GRIK2: variants seen among roughly 807,000 people sequenced by gnomAD.
GRIK2 encodes the protein glutamate ionotropic receptor kainate type subunit 2.
GRIK2 carries 32 observed loss-of-function variants against 100.3 expected under a neutral mutation model. The observed-to-expected ratio is 0.32, with a 90% confidence interval of 0.24 to 0.43. The LOEUF (loss-of-function observed/expected upper bound fraction) is 0.43, where lower values mean the gene tolerates loss of function less well. GRIK2 is among the 20% of genes least tolerant of loss of function. The probability of loss-of-function intolerance (pLI) is 1.00; values close to 1 mark genes in which losing one functional copy is unlikely to be tolerated. For synonymous variants in GRIK2, 417 were observed against 389.4 expected (o/e 1.07, Z -0.83); for missense variants, 843 against 1,114.9 (o/e 0.76, Z 3.47).
intron 9 of GRIK2, among the ~76,000 whole-genome samples, chr6:101,804,623 C>T (rs897006940): frequency 6.6e-6 from 1 of 151,838 alleles, no homozygotes; most frequent in African/African-American, 2.4e-5. Context: ...GGGATAAAAG[C>T]ATAACTCAAA....
intron 14 of GRIK2, among the ~76,000 whole-genome samples, chr6:101,973,046 A>G (rs1264293361): frequency 2.0e-5 from 3 of 151,732 alleles, no homozygotes; most frequent in African/African-American, 4.8e-5. Flanking sequence ...AATCTAATAC[A>G]CTTTTCTATG....
chr6:101,790,828 A>C lies in GRIK2; in HGVS notation c.952-8820A>C, dbSNP rs1391071904. 1.3e-4 allele frequency among the ~76,000 whole-genome samples: 20 copies of C among 151,330 alleles called. No homozygotes were observed. The East Asian group carries it at 1.4e-3, about 10-fold the overall frequency. On this transcript the variant is annotated intron_variant, in intron 7 of 16. Transcript: ENST00000369134. ...TCTGGTAGAATTCGGCTGTGAATCCATCTGGTCCTGGACTCTTTTTGGTTG... is the reference window on the plus strand; with the variant it reads ...TCTGGTAGAATTCGGCTGTGAATCCCTCTGGTCCTGGACTCTTTTTGGTTG...
intron 12 of GRIK2, among the ~76,000 whole-genome samples, chr6:101,906,220 G>T (rs1670724135): frequency 6.6e-6 from 1 of 151,652 alleles, no homozygotes; most frequent in Non-Finnish European, 1.5e-5. Context: ...TTGAAAGCTT[G>T]ACTGTAGTGA....
intron 2 of GRIK2, among the ~76,000 whole-genome samples, chr6:101,563,346 CAT>C (rs1777113442): frequency 1.3e-5 from 2 of 152,084 alleles, no homozygotes; most frequent in African/African-American, 2.4e-5. Flanking sequence ...TCACTGAAAA[CAT>C]AGTTTTAATC....
chr6:101,658,774 C>G (rs1362038092), intron 4 of GRIK2, among the ~76,000 whole-genome samples: 1 of 152,164 alleles, frequency 6.6e-6, no homozygotes, highest in African/African-American at 2.4e-5. Flanking sequence ...CTCTAATGAA[C>G]AGTGATGATG....
chr6:101,501,749 TTTTTG>T (rs944684565), intron 2 of GRIK2, among the ~76,000 whole-genome samples: 1 of 152,020 alleles, frequency 6.6e-6, no homozygotes, highest in African/African-American at 2.4e-5. Context: ...CCTTAGCATG[TTTTTG>T]TTTTGTTTTG....
chr6:102,041,117 C>T (rs778392306), intron 15 of GRIK2, among the ~76,000 whole-genome samples: 2 of 151,496 alleles, frequency 1.3e-5, no homozygotes, highest in Non-Finnish European at 3.0e-5. Flanking sequence ...TATGCCTGCT[C>T]CACAGACATC....
intron 11 of GRIK2, among the ~76,000 whole-genome samples, chr6:101,883,440 T>G (rs974386512): frequency 6.6e-6 from 1 of 151,982 alleles, no homozygotes; most frequent in African/African-American, 2.4e-5. Flanking sequence ...ACACTGGAGT[T>G]ACAGAATTGG....
intron 7 of GRIK2, among the ~76,000 whole-genome samples, chr6:101,704,494 C>T (rs1178132304): frequency 6.6e-6 from 1 of 151,654 alleles, no homozygotes; most frequent in Non-Finnish European, 1.5e-5. Flanking sequence ...TCTAAAATTG[C>T]TGAACTAATT....
chr6:101,548,305 G>A (rs1404030679), intron 2 of GRIK2, among the ~76,000 whole-genome samples: 2 of 152,106 alleles, frequency 1.3e-5, no homozygotes, highest in Admixed American at 6.5e-5. Context: ...CTTTTGCTCT[G>A]CAGAAGCTCC....
In GRIK2 at chr6:102,055,939, A is replaced by G. The variant is rs1771442525; in HGVS notation, c.2562+359A>G. Among the ~76,000 whole-genome samples the G allele has an allele frequency of 2.6e-5, 4 of 151,992 alleles. No homozygotes were observed. The South Asian group carries it at 8.3e-4, about 32-fold the overall frequency. ...AAGTGAGTAAAAATTAGAAACTAAT[A>G]TGAAAGAAAAAATACTCTGCAGATT... On this transcript the variant is annotated intron_variant, in intron 16 of 16. Coordinates refer to ENST00000369134, the MANE Select transcript of GRIK2 (RefSeq NM_021956.5).
chr6:101,776,768 G>A (rs997042286), intron 7 of GRIK2, among the ~76,000 whole-genome samples: 5 of 152,056 alleles, frequency 3.3e-5, no homozygotes, highest in Admixed American at 6.6e-5. Flanking sequence ...GAATTGTAGC[G>A]TCATGTACAT....
chr6:102,028,464 T>TC (rs1204133392), intron 14 of GRIK2, among the ~76,000 whole-genome samples: 1 of 151,216 alleles, frequency 6.6e-6, no homozygotes, highest in Admixed American at 6.6e-5. Flanking sequence ...ATCCATCTAA[T>TC]ATAACATAGA....
In GRIK2 at chr6:101,642,829, G is replaced by C. The variant is rs1386229294; in HGVS notation, c.541+16192G>C. On this transcript the variant is annotated intron_variant, in intron 4 of 16. Coordinates refer to ENST00000369134, the MANE Select transcript of GRIK2 (RefSeq NM_021956.5). ...AACCATCATACTGTTTTCCATAATG[G>C]ATATAACATCATTCCTACCAACAGT... Among the ~76,000 whole-genome samples the C allele has an allele frequency of 2.0e-5, 3 of 151,528 alleles. No individual in the cohort carries two copies. The East Asian group carries it at 5.8e-4, about 29-fold the overall frequency.
chr6:101,629,427 G>A (rs376852661), intron 4 of GRIK2, among the ~76,000 whole-genome samples: 4 of 152,116 alleles, frequency 2.6e-5, no homozygotes, highest in South Asian at 2.1e-4. Context: ...TAAATGCCAC[G>A]AAAGGAATTA....
intron 7 of GRIK2, among the ~76,000 whole-genome samples, chr6:101,776,561 A>G (rs1033674115): frequency 6.6e-6 from 1 of 152,204 alleles, no homozygotes; most frequent in Admixed American, 6.5e-5. Flanking sequence ...AAGAAACTGA[A>G]GACTAGAAAA....
intron 2 of GRIK2, among the ~76,000 whole-genome samples, chr6:101,528,157 C>T (rs528239985): frequency 6.6e-6 from 1 of 152,114 alleles, no homozygotes; most frequent in Non-Finnish European, 1.5e-5. Context: ...ATACAGAGTG[C>T]TTAGACTGGT....
chr6:101,561,176 T>C (rs547716670), intron 2 of GRIK2, among the ~76,000 whole-genome samples: 3 of 152,304 alleles, frequency 2.0e-5, no homozygotes, highest in African/African-American at 7.2e-5. Flanking sequence ...ATGTTTGAGA[T>C]AACTTGTCCA....
intron 4 of GRIK2, among the ~76,000 whole-genome samples, chr6:101,657,632 A>G (rs1245262912): frequency 1.3e-5 from 2 of 152,174 alleles, no homozygotes; most frequent in East Asian, 1.9e-4. Flanking sequence ...TTATAAATTA[A>G]TGGATTGAAT....
Sources: gnomAD v4.1 joint callset for allele counts (sites outside exome capture counted in the v4.1 genomes callset) on GRCh38, gnomAD v4.1.1 for gene constraint, MANE v1.5 for transcripts, NCBI Gene and HGNC (gene_info 2026-07-23, HGNC 2026-07-21) for gene names.